LTBP1: variants seen among roughly 807,000 people sequenced by gnomAD.
The protein encoded by LTBP1 is latent-transforming growth factor beta-binding protein 1.
In LTBP1, 129 loss-of-function variants were observed where a neutral mutation model predicts 207.6. The observed-to-expected ratio is 0.62, with a 90% CI of 0.54 to 0.72. LTBP1 has a LOEUF of 0.72. LTBP1 is among the 30% of genes least tolerant of loss of function. The pLI, the probability that LTBP1 is intolerant of heterozygous loss-of-function variation, is 0.00. For missense variants in LTBP1, 2,281 were observed against 2,217.2 expected (o/e 1.03, Z -0.58); for synonymous variants, 963 against 833.7 (o/e 1.16, Z -2.67).
chr2:33,293,333 T>C (rs770235783), intron 20 of LTBP1, 51 bp downstream of exon 20: 4 of 1,549,122 alleles, frequency 2.6e-6, no homozygotes, highest in Non-Finnish European at 3.5e-6. Flanking sequence ...CATTTAAATA[T>C]AGATTAGAGC....
chr2:33,370,545 C>T (rs1396633473), intron 31 of LTBP1, among the ~76,000 whole-genome samples: 1 of 152,232 alleles, frequency 6.6e-6, no homozygotes, highest in African/African-American at 2.4e-5. Context: ...CATCTAATAG[C>T]ATCTAACTTT....
intron 10 of LTBP1, among the ~76,000 whole-genome samples, chr2:33,251,924 A>G (rs116737981): frequency 0.024 from 3,728 of 152,242 alleles, 161 homozygotes; most frequent in African/African-American, 0.086. Flanking sequence ...CATATTTGCC[A>G]TGTGTGCCTA....
chr2:33,375,163 G>T (rs1245815399), intron 31 of LTBP1, among the ~76,000 whole-genome samples: 3 of 152,176 alleles, frequency 2.0e-5, no homozygotes, highest in Non-Finnish European at 4.4e-5. Context: ...CCATATCCAT[G>T]CATGGCTCTT....
At chr2:33,319,970 G>T (rs1221943824) in intron 24 of LTBP1, among the ~76,000 whole-genome samples, 1 of 152,176 alleles carries the variant, frequency 6.6e-6, no homozygotes, top group African/African-American at 2.4e-5. Flanking sequence ...GTGTCTACCT[G>T]TGTGCCATCC....
chr2:33,095,904 C>G (rs935855834), intron 3 of LTBP1, among the ~76,000 whole-genome samples: 2 of 151,954 alleles, frequency 1.3e-5, no homozygotes, highest in Non-Finnish European at 2.9e-5. Flanking sequence ...TGTAATTTAA[C>G]ATATATGTAA....
At chr2:33,273,949 G>A (rs1057361464) in intron 16 of LTBP1, among the ~76,000 whole-genome samples, 168 bp downstream of exon 16, 56 of 152,000 alleles carry the variant, frequency 3.7e-4, no homozygotes, top group Non-Finnish European at 7.5e-4. Flanking sequence ...CTAAACAACT[G>A]GAATTCTCTT....
Position 33,305,047 on chromosome 2 carries a change from C to T in LTBP1, c.3481+3403C>T, listed in dbSNP as rs568306233. Among the ~76,000 whole-genome samples, 7 of 152,296 alleles carry T rather than the reference C, an allele frequency of 4.6e-5. No individual in the cohort carries two copies. The South Asian group carries it at 1.5e-3, about 32-fold the overall frequency. On this transcript the variant is annotated intron_variant, in intron 22 of 33. Transcript: ENST00000404816. ...TACAATAAATGGCTGGGTGCAGTGGCTCACGCCTATAATCCCAGCACTTTG... is the reference window on the plus strand; with the variant it reads ...TACAATAAATGGCTGGGTGCAGTGGTTCACGCCTATAATCCCAGCACTTTG...
At chr2:32,989,502 A>C (rs1684085048) in intron 2 of LTBP1, among the ~76,000 whole-genome samples, 1 of 152,198 alleles carries the variant, frequency 6.6e-6, no homozygotes, top group Non-Finnish European at 1.5e-5. Context: ...AGTGTTTTAC[A>C]GTTTTTCCAG....
chr2:33,309,885 T>G (rs72859534), intron 23 of LTBP1, among the ~76,000 whole-genome samples: 2,309 of 152,204 alleles, frequency 0.015, 66 homozygotes, highest in African/African-American at 0.053. Context: ...ATATTTTATT[T>G]TGTCTCATAG....
intron 24 of LTBP1, among the ~76,000 whole-genome samples, chr2:33,342,582 C>A (rs1165583355): frequency 6.6e-6 from 1 of 152,218 alleles, no homozygotes; most frequent in Admixed American, 6.5e-5. Context: ...GCCATCATTT[C>A]AGTCTAAAAA....
chr2:33,245,121 C>T (rs1354827350), intron 10 of LTBP1, among the ~76,000 whole-genome samples: 1 of 152,076 alleles, frequency 6.6e-6, no homozygotes, highest in Non-Finnish European at 1.5e-5. Context: ...CTCAGGTGAT[C>T]CACCCGCCTC....
chr2:33,304,407 G>C (rs1039633137), intron 22 of LTBP1, among the ~76,000 whole-genome samples: 4 of 152,198 alleles, frequency 2.6e-5, no homozygotes, highest in East Asian at 3.8e-4. Flanking sequence ...CATCTTTCTT[G>C]TTGGCTTTTA....
intron 4 of LTBP1, among the ~76,000 whole-genome samples, chr2:33,117,702 G>T (rs1236329806): frequency 6.6e-6 from 1 of 152,176 alleles, no homozygotes; most frequent in Non-Finnish European, 1.5e-5. Context: ...CTCATGGGAG[G>T]TGTCCCTGGC....
At chr2:33,033,865 T>C (rs528049794) in intron 3 of LTBP1, among the ~76,000 whole-genome samples, 1 of 152,306 alleles carries the variant, frequency 6.6e-6, no homozygotes, top group African/African-American at 2.4e-5. Context: ...CTATTTTGCG[T>C]ATGGACAGTT....
intron 7 of LTBP1, among the ~76,000 whole-genome samples, chr2:33,189,802 G>C (rs895297026): frequency 3.9e-5 from 6 of 152,076 alleles, no homozygotes; most frequent in Non-Finnish European, 8.8e-5. Context: ...GAGGCAGGTG[G>C]ATTACCTGAG....
intron 31 of LTBP1, among the ~76,000 whole-genome samples, chr2:33,382,910 A>G (rs1432328251): frequency 6.6e-6 from 1 of 152,236 alleles, no homozygotes; most frequent in Non-Finnish European, 1.5e-5. Context: ...AAAGAGCAGG[A>G]CAGACACCCA....
At chr2:33,061,402 G>A (rs2077266227) in intron 3 of LTBP1, 1 of 152,124 alleles carries the variant, frequency 6.6e-6, no homozygotes, top group African/African-American at 2.4e-5. Flanking sequence ...TTTGAGAAAT[G>A]TGTACTTATG....
intron 2 of LTBP1, among the ~76,000 whole-genome samples, chr2:32,991,483 C>T (rs1320482443): frequency 6.6e-6 from 1 of 152,210 alleles, no homozygotes; most frequent in African/African-American, 2.4e-5. Context: ...AAAAATCACA[C>T]ATAGGCTTTC....
intron 2 of LTBP1, among the ~76,000 whole-genome samples, chr2:32,998,512 TAAAAAAAAAAAAAAA>T (rs769287082): frequency 0.014 from 397 of 29,276 alleles, 12 homozygotes; most frequent in Middle Eastern, 0.083. Flanking sequence ...GACTCCATCT[TAAAAAAAAAAAAAAA>T]AAAAAAAAAA....
Sources: gnomAD v4.1 joint callset for allele counts (sites outside exome capture counted in the v4.1 genomes callset) on GRCh38, gnomAD v4.1.1 for gene constraint, MANE v1.5 for transcripts, NCBI Gene and HGNC (gene_info 2026-07-23, HGNC 2026-07-21) for gene names.